Variants in ENKUR observed in about 807,000 individuals in gnomAD.
ENKUR encodes the protein enkurin.
ENKUR carries 19 observed loss-of-function variants against 27.6 expected under a neutral mutation model. The ratio of observed to expected loss-of-function variants is 0.69; its 90% CI spans 0.48 to 1.01. ENKUR has a LOEUF of 1.01. Ranked by LOEUF, ENKUR falls within the 50% of genes least tolerant of loss-of-function variation. ENKUR has a pLI of 0.00. For synonymous variants in ENKUR, 117 were observed against 96.9 expected, an observed-to-expected ratio of 1.21 and a Z score of -1.22; for missense variants, 312 against 310.5, an observed-to-expected ratio of 1.00 and a Z score of -0.04.
chr10:25,057,810 C>G (rs1851278261), intron 2 of ENKUR, among the ~76,000 whole-genome samples: 1 of 152,020 alleles, frequency 6.6e-6, no homozygotes, highest in African/African-American at 2.4e-5. Context: ...TTTGAGTGAC[C>G]CTGCCCAGGG....
chr10:24,984,493 T>A, intron 5 of ENKUR, 117 bp from the exon 6 acceptor site: 1 of 1,293,592 alleles, frequency 7.7e-7, no homozygotes, highest in Non-Finnish European at 1.0e-6. Flanking sequence ...ATTGTGGAAC[T>A]GGAACACATA....
intron 2 of ENKUR, among the ~76,000 whole-genome samples, chr10:25,053,233 G>A (rs772990232): frequency 1.2e-4 from 19 of 152,162 alleles, no homozygotes; most frequent in Non-Finnish European, 2.4e-4. Context: ...TGTATACAAG[G>A]TGGAATGGTA....
At chr10:24,991,372 A>G (rs1360762590) in intron 3 of ENKUR, among the ~76,000 whole-genome samples, 1 of 152,142 alleles carries the variant, frequency 6.6e-6, no homozygotes, top group Non-Finnish European at 1.5e-5. Flanking sequence ...AAAGTCTTTG[A>G]AAACTTATGC....
At chr10:25,022,142 GTAT>G (rs1322079974) in intron 2 of ENKUR, among the ~76,000 whole-genome samples, 1 of 152,114 alleles carries the variant, frequency 6.6e-6, no homozygotes, top group Admixed American at 6.5e-5. Flanking sequence ...CATTGCACAG[GTAT>G]TATACTGCAT....
At chr10:25,051,423 T>C (rs1480366037) in intron 2 of ENKUR, among the ~76,000 whole-genome samples, 2 of 151,868 alleles carry the variant, frequency 1.3e-5, no homozygotes, top group Non-Finnish European at 2.9e-5. Flanking sequence ...GGCTCATGGT[T>C]CTGCAGGCTG....
chr10:25,005,787 C>A (rs1026739416), intron 1 of ENKUR, among the ~76,000 whole-genome samples: 3 of 152,220 alleles, frequency 2.0e-5, no homozygotes, highest in African/African-American at 7.2e-5. Flanking sequence ...ACTTACTTGA[C>A]AACACAGGCA....
chr10:25,013,274 G>T (rs1009105885), intron 1 of ENKUR, among the ~76,000 whole-genome samples: 2 of 152,176 alleles, frequency 1.3e-5, no homozygotes, highest in Non-Finnish European at 2.9e-5. Flanking sequence ...ATAGATAAGA[G>T]ATATAAAAGA....
chr10:25,044,558 G>T lies in ENKUR; in HGVS notation c.37+16554C>A, dbSNP rs532807019. On this transcript the variant is annotated intron_variant, in intron 2 of 5. Transcript: ENST00000615958. ...ACTACAGGCACGTGTCACCATGCCT[G>T]GCTAATTTTTTCATATTTTGTAGAG... is the stretch of plus-strand genomic sequence containing the variant. Among the ~76,000 whole-genome samples, 16 of 152,180 alleles carry T rather than the reference G, an allele frequency of 1.1e-4. No homozygotes were observed. The East Asian group carries it at 2.9e-3, about 28-fold the overall frequency.
intron 2 of ENKUR, among the ~76,000 whole-genome samples, chr10:25,039,645 G>T (rs1286607955): frequency 6.6e-6 from 1 of 152,136 alleles, no homozygotes; most frequent in Non-Finnish European, 1.5e-5. Flanking sequence ...CTAGCTATGT[G>T]CAGTGCATAC....
At chr10:25,060,119 G>A (rs1254183459) in intron 2 of ENKUR, among the ~76,000 whole-genome samples, 1 of 152,164 alleles carries the variant, frequency 6.6e-6, no homozygotes, top group African/African-American at 2.4e-5. Context: ...AGCCTGTGAA[G>A]CCGACCTGTC....
At chr10:25,054,492 T>TCTTTCTTTCTTTCTTTCTTTC (rs1554774522) in intron 2 of ENKUR, among the ~76,000 whole-genome samples, 64 of 127,754 alleles carry the variant, frequency 5.0e-4, no homozygotes, top group South Asian at 8.7e-4. Flanking sequence ...TTTCTTTCTT[T>TCTTTCTTTCTTTCTTTCTTTC]CTTTCTTTCT....
At chr10:25,011,971 G>T (rs928775859) in intron 1 of ENKUR, among the ~76,000 whole-genome samples, 2 of 152,208 alleles carry the variant, frequency 1.3e-5, no homozygotes, top group African/African-American at 4.8e-5. Flanking sequence ...AGAAAAAATG[G>T]TTTCATGGGC....
intron 2 of ENKUR, among the ~76,000 whole-genome samples, chr10:25,054,767 C>A (rs1019628368): frequency 1.3e-5 from 2 of 151,538 alleles, no homozygotes; most frequent in Middle Eastern, 3.4e-3. Flanking sequence ...ACTGCAGCCT[C>A]GACCTACTAG....
rs1232645405 is a variant in ENKUR at position 24,995,639 on chromosome 10, A to G, written c.447+7T>C. 2 of 1,605,880 alleles carry G rather than the reference A, an allele frequency of 1.2e-6. No individual in the cohort carries two copies. Among genetic ancestry groups the G allele is most frequent in the Non-Finnish European group, 1.7e-6 (2 of 1,176,472 alleles). On this transcript the variant is annotated splice_region_variant and intron_variant, in intron 3 of 5. Transcript: ENST00000331161. ...TCAGCCCTCTTATTAATATACCACA[A>G]GGCTACCTTTTTATTGATGTACTTT... is the stretch of plus-strand genomic sequence containing the variant.
At chr10:25,038,311 G>C (rs1851027841) in intron 2 of ENKUR, among the ~76,000 whole-genome samples, 1 of 152,220 alleles carries the variant, frequency 6.6e-6, no homozygotes, top group South Asian at 2.1e-4. Flanking sequence ...ACATGGAACT[G>C]TGTTATGTCC....
At chr10:25,020,395 T>A (rs1332414227), upstream of ENKUR, among the ~76,000 whole-genome samples, 1 of 152,038 alleles carries the variant, frequency 6.6e-6, no homozygotes, top group Non-Finnish European at 1.5e-5. Flanking sequence ...GAAGGTAACA[T>A]AATGTTTCCT....
intron 1 of ENKUR, among the ~76,000 whole-genome samples, chr10:25,009,411 A>C (rs2132716340): frequency 6.6e-6 from 1 of 152,346 alleles, no homozygotes; most frequent in Non-Finnish European, 1.5e-5. Context: ...ATCAATTAAA[A>C]AATAAGATTA....
At chr10:24,996,730 T>C (rs909915062) in intron 2 of ENKUR, among the ~76,000 whole-genome samples, 7 of 152,200 alleles carry the variant, frequency 4.6e-5, no homozygotes, top group Admixed American at 4.6e-4. Flanking sequence ...TTTATTAGTT[T>C]ATATAACTTT....
rs766448491 is a variant in ENKUR at position 25,025,001 on chromosome 10, G to A, written c.38-29132C>T. On this transcript the variant is annotated intron_variant, in intron 2 of 5. Coordinates refer to the ENKUR transcript ENST00000615958. ...CAGCTAATGACAGAATTATTTAATC[G>A]ATTAGAAAGTCAGCATCATTTCCAG... 1.2e-5 allele frequency: 20 copies of A among 1,614,034 alleles called. No individual in the cohort carries two copies. The highest frequency in any genetic ancestry group is 8.8e-5 in the South Asian group (8 of 91,076).
Sources: allele counts gnomAD v4.1 joint callset (sites outside exome capture counted in the v4.1 genomes callset), GRCh38; gene constraint gnomAD v4.1.1; transcripts MANE v1.5; gene names NCBI Gene and HGNC (gene_info 2026-07-23, HGNC 2026-07-21).